Variants in SRRM3 observed in about 807,000 individuals in gnomAD.
SRRM3 encodes serine/arginine repetitive matrix protein 3.
SRRM3 carries 27 observed loss-of-function variants against 66.2 expected under a neutral mutation model. That is an observed-to-expected ratio of 0.41 (90% CI 0.30 to 0.56). The LOEUF is 0.56. Ranked by LOEUF, SRRM3 falls within the 20% of genes least tolerant of loss-of-function variation. The pLI is 0.32. For synonymous variants in SRRM3, 391 were observed against 414.9 expected, an observed-to-expected ratio of 0.94 and a Z score of 0.70; for missense variants, 918 against 991.9, an observed-to-expected ratio of 0.93 and a Z score of 1.00.
intron 1 of SRRM3, among the ~76,000 whole-genome samples, chr7:76,209,574 A>C (rs950107076): frequency 1.3e-5 from 2 of 151,442 alleles, no homozygotes; most frequent in African/African-American, 2.4e-5. Context: ...TAGGCAGCCC[A>C]GTGGGAGTGG....
At chr7:76,226,899 C>T (rs1800878231) in intron 1 of SRRM3, among the ~76,000 whole-genome samples, 1 of 152,142 alleles carries the variant, frequency 6.6e-6, no homozygotes, top group African/African-American at 2.4e-5. Flanking sequence ...CCTGGTGCCA[C>T]ACACTTAGAG....
At position 76,223,932 on chromosome 7, in the gene SRRM3, C is replaced by T. The variant is rs1269740978; in HGVS notation, c.-39-11096C>T. On this transcript the variant is annotated intron_variant, in intron 1 of 14. Transcript: ENST00000611745. Reference sequence around the variant, plus strand: ...CTCCCCTCCCCCAACTTGCCCCCCTCCCCCTCTCCCTTCTCTTCCCTTCCC... The same window carrying T: ...CTCCCCTCCCCCAACTTGCCCCCCTTCCCCTCTCCCTTCTCTTCCCTTCCC... Among the ~76,000 whole-genome samples the T allele has an allele frequency of 1.3e-3, 130 of 100,218 alleles. 2 individuals are homozygous for T. The highest frequency in any genetic ancestry group is 4.7e-3 in the African/African-American group (122 of 26,140). 65.7% of individuals were successfully genotyped at this position (100,218 alleles called of 152,430 possible).
chr7:76,219,117 GGATTACAGGCGT>G lies in SRRM3; in HGVS notation c.-39-15908_-39-15897del, dbSNP rs1160516272. 2.0e-5 allele frequency among the ~76,000 whole-genome samples: 3 copies of G among 152,308 alleles called. No individual in the cohort carries two copies. The East Asian group carries it at 5.8e-4, about 29-fold the overall frequency. On this transcript the variant is annotated intron_variant, in intron 1 of 14. Transcript: ENST00000611745. ...CCTGCCTCAGCCTCCCAAAGTGTTG[GGATTACAGGCGT>G]GAGCCACCATACCCGGCCTGTATTG...
chr7:76,273,216 C>G (rs1006373176), intron 11 of SRRM3: 1 of 152,348 alleles, frequency 6.6e-6, no homozygotes, highest in Admixed American at 6.5e-5. Flanking sequence ...CTGTCTCTCT[C>G]TCTTCCTTTC....
At chr7:76,219,267 G>A (rs1466859368) in intron 1 of SRRM3, among the ~76,000 whole-genome samples, 6 of 152,180 alleles carry the variant, frequency 3.9e-5, no homozygotes, top group Non-Finnish European at 8.8e-5. Flanking sequence ...TGGCTTGGCT[G>A]GGTCTGTCCC....
chr7:76,254,146 C>T (rs1801649083), intron 3 of SRRM3, among the ~76,000 whole-genome samples: 1 of 151,900 alleles, frequency 6.6e-6, no homozygotes, highest in South Asian at 2.1e-4. Context: ...TACAGGCATG[C>T]ACCACCACAT....
At chr7:76,208,496 C>G (rs1241501062) in intron 1 of SRRM3, among the ~76,000 whole-genome samples, 30 of 140,074 alleles carry the variant, frequency 2.1e-4, no homozygotes, top group African/African-American at 7.9e-4. Flanking sequence ...TAATAAGACC[C>G]TATCTCTACA....
chr7:76,281,458 G>A lies in SRRM3; in HGVS notation c.1026G>A (p.Ser342=). 1 of 1,234,840 alleles carries A rather than the reference G, an allele frequency of 8.1e-7. No individual in the cohort carries two copies. 76.5% of individuals were successfully genotyped at this position (1,234,840 alleles called of 1,614,324 possible). The change falls in exon 12 of 15, where the codon TCG becomes TCA. Residue 342 remains serine (S), a synonymous_variant. Coordinates refer to ENST00000611745, the MANE Select transcript of SRRM3 (RefSeq NM_001110199.3). Reference sequence around the variant, plus strand: ...CCCGTCAGAAGCCCAGCTCGCCCTCGCCCAGGGTCCGTGACAAGGCGGCGG... The same window carrying A: ...CCCGTCAGAAGCCCAGCTCGCCCTCACCCAGGGTCCGTGACAAGGCGGCGG... ...HSPPDKPSSP[S]PRVRDKAAAA...
chr7:76,207,792 G>A (rs1800336961), intron 1 of SRRM3, among the ~76,000 whole-genome samples: 1 of 151,830 alleles, frequency 6.6e-6, no homozygotes, highest in African/African-American at 2.4e-5. Context: ...TGGGAGGATC[G>A]CTTGAGCTCA....
chr7:76,261,603 A>G (rs782770316), intron 8 of SRRM3, 22 bp downstream of exon 8: 1 of 1,607,934 alleles, frequency 6.2e-7, no homozygotes, highest in South Asian at 1.1e-5. Flanking sequence ...TTTGCAGAGG[A>G]CATGGTCAGT....
rs1801272563 is a variant in SRRM3, at chr7:76,240,676, C to T, written c.233+5377C>T. On this transcript the variant is annotated intron_variant, in intron 2 of 14. Transcript: ENST00000611745. ...GAGGAACTCTTAAAATTCAGTGTCCCCTCACCCTACTCCTGTCCCAGAGAG... is the reference window on the plus strand; with the variant it reads ...GAGGAACTCTTAAAATTCAGTGTCCTCTCACCCTACTCCTGTCCCAGAGAG... 2.0e-5 allele frequency among the ~76,000 whole-genome samples: 3 copies of T among 152,116 alleles called. 1 individual carries two copies. The highest frequency in any genetic ancestry group is 7.2e-5 in the African/African-American group (3 of 41,484).
intron 14 of SRRM3, chr7:76,283,960 G>C (rs1182960052): frequency 1.0e-5 from 4 of 400,862 alleles, no homozygotes; most frequent in African/African-American, 8.8e-5. Context: ...GGCAGCCTTG[G>C]GAGATCGGTG....
intron 11 of SRRM3, among the ~76,000 whole-genome samples, chr7:76,274,438 T>C (rs1043638859): frequency 1.3e-5 from 2 of 152,220 alleles, no homozygotes; most frequent in East Asian, 3.8e-4. Flanking sequence ...GGAGCAGGTT[T>C]GAGACCTAGA....
intron 2 of SRRM3, among the ~76,000 whole-genome samples, chr7:76,238,383 T>C (rs1219235523): frequency 4.6e-5 from 7 of 152,118 alleles, no homozygotes; most frequent in African/African-American, 1.7e-4. Flanking sequence ...ATTTACCGGG[T>C]TCTCGGGCAT....
intron 1 of SRRM3, among the ~76,000 whole-genome samples, chr7:76,206,986 C>T (rs1291362453): frequency 2.0e-5 from 3 of 152,206 alleles, no homozygotes; most frequent in East Asian, 1.9e-4. Flanking sequence ...AGCTGAGCCC[C>T]CTCCTAGTCC....
chr7:76,282,365 C>G (rs1438871633), intron 12 of SRRM3, among the ~76,000 whole-genome samples: 1 of 147,404 alleles, frequency 6.8e-6, no homozygotes, highest in Non-Finnish European at 1.5e-5. Flanking sequence ...CCAGGGAACC[C>G]CCTCTCCTCC....
At chr7:76,248,057 T>C in intron 2 of SRRM3, 131 bp from the exon 3 acceptor site, 1 of 677,930 alleles carries the variant, frequency 1.5e-6, no homozygotes, top group South Asian at 1.7e-5. Context: ...TCTGTGACCT[T>C]GGACAGGTTA....
At chr7:76,279,233 TGAGA>T (rs1802436080) in intron 11 of SRRM3, among the ~76,000 whole-genome samples, 3 of 152,072 alleles carry the variant, frequency 2.0e-5, no homozygotes, top group Admixed American at 2.0e-4. Flanking sequence ...CACTCCAGCC[TGAGA>T]GACAGAGTGA....
At chr7:76,272,039 G>A (rs1432236951) in intron 11 of SRRM3, among the ~76,000 whole-genome samples, 1 of 152,224 alleles carries the variant, frequency 6.6e-6, no homozygotes, top group Admixed American at 6.5e-5. Context: ...AATGTAGGAT[G>A]AAAGAGGAAG....
Sources: gnomAD v4.1 joint callset for allele counts (sites outside exome capture counted in the v4.1 genomes callset) on GRCh38, gnomAD v4.1.1 for gene constraint, MANE v1.5 for transcripts, NCBI Gene and HGNC (gene_info 2026-07-23, HGNC 2026-07-21) for gene names.